Variants in SLC45A2 observed in about 807,000 individuals in gnomAD.
The protein encoded by SLC45A2 is membrane-associated transporter protein.
SLC45A2 carries 36 observed loss-of-function variants against 45.5 expected under a neutral mutation model. The ratio of observed to expected loss-of-function variants is 0.79; its 90% CI spans 0.61 to 1.04. The LOEUF is 1.04. SLC45A2 is among the 50% of genes least tolerant of loss of function. The pLI is 0.00. For missense variants in SLC45A2, 719 were observed against 671.0 expected (o/e 1.07, Z -0.79); for synonymous variants, 306 against 269.3 (o/e 1.14, Z -1.33).
intron 2 of SLC45A2, chr5:33,971,308 T>C (rs1752770857): frequency 1.9e-6 from 1 of 519,530 alleles, no homozygotes; most frequent in Non-Finnish European, 3.9e-6. Flanking sequence ...GGTTACCACT[T>C]ACAAACCCAG....
intron 2 of SLC45A2, among the ~76,000 whole-genome samples, chr5:33,967,707 G>C (rs1752638472): frequency 6.6e-6 from 1 of 151,870 alleles, no homozygotes; most frequent in Non-Finnish European, 1.5e-5. Context: ...TTACAGAGGG[G>C]TTATACTTTT....
chr5:33,953,265 A>G (rs250418), intron 4 of SLC45A2, among the ~76,000 whole-genome samples: 67,872 of 87,056 alleles, frequency 0.78, 28,601 homozygotes, highest in Non-Finnish European at 0.96. Flanking sequence ...CTGAGGAATC[A>G]CCACACTGAC....
intron 2 of SLC45A2, chr5:33,970,907 G>C (rs1176744395): frequency 8.0e-6 from 3 of 376,684 alleles, no homozygotes; most frequent in Non-Finnish European, 1.5e-5. Context: ...ACAGCAAGAA[G>C]CTGCCAGAGT....
intron 6 of SLC45A2, chr5:33,946,915 TA>T: frequency 7.1e-7 from 1 of 1,417,356 alleles, no homozygotes; most frequent in Non-Finnish European, 9.2e-7. Flanking sequence ...AAAATGGGAG[TA>T]ACACTTCTTG....
chr5:33,966,404 C>T (rs1240201551), intron 2 of SLC45A2, among the ~76,000 whole-genome samples: 1 of 149,652 alleles, frequency 6.7e-6, no homozygotes, highest in Admixed American at 6.6e-5. Flanking sequence ...GTGGGAGAAG[C>T]ACATAATGGG....
chr5:33,962,145 A>C (rs1752474064), intron 3 of SLC45A2, among the ~76,000 whole-genome samples: 1 of 152,194 alleles, frequency 6.6e-6, no homozygotes, highest in Non-Finnish European at 1.5e-5. Context: ...CTGAACTGAT[A>C]CATTGTTTTA....
At chr5:33,965,744 G>T (rs1334043748) in intron 2 of SLC45A2, among the ~76,000 whole-genome samples, 2 of 152,200 alleles carry the variant, frequency 1.3e-5, no homozygotes, top group Admixed American at 1.3e-4. Flanking sequence ...CTATTCAATT[G>T]TAGAGAGGCA....
chr5:33,953,413 A>T (rs1452488670), intron 4 of SLC45A2, among the ~76,000 whole-genome samples: 2 of 150,162 alleles, frequency 1.3e-5, no homozygotes, highest in Non-Finnish European at 3.0e-5. Context: ...GATATCTCAT[A>T]GTGGTTTTGA....
At chr5:33,976,401 T>C (rs763131707) in intron 2 of SLC45A2, among the ~76,000 whole-genome samples, 2 of 152,226 alleles carry the variant, frequency 1.3e-5, no homozygotes, top group Non-Finnish European at 2.9e-5. Flanking sequence ...TGATTAGAAA[T>C]GTATTCAAAT....
intron 6 of SLC45A2, 47 bp downstream of exon 6, chr5:33,947,116 A>C: frequency 6.2e-7 from 1 of 1,614,214 alleles, no homozygotes; most frequent in Non-Finnish European, 8.5e-7. Context: ...CCCAGCCTTC[A>C]GATGAGTCTG....
At chr5:33,946,152 C>T (rs1045614198) in intron 6 of SLC45A2, 12 of 985,316 alleles carry the variant, frequency 1.2e-5, no homozygotes, top group South Asian at 4.7e-5. Context: ...TTTTCTTCCC[C>T]CAACACCATG....
chr5:33,974,838 A>G (rs1752878434), intron 2 of SLC45A2, among the ~76,000 whole-genome samples: 2 of 152,248 alleles, frequency 1.3e-5, no homozygotes, highest in Admixed American at 1.3e-4. Flanking sequence ...CATTTTAAAT[A>G]GTATGGGTAA....
intron 2 of SLC45A2, among the ~76,000 whole-genome samples, chr5:33,968,042 A>ATAG (rs1429093745): frequency 3.3e-5 from 5 of 152,078 alleles, no homozygotes; most frequent in African/African-American, 4.8e-5. Context: ...GCAAGTTAGA[A>ATAG]TAGTACAACA....
At chr5:33,954,600 T>G in intron 3 of SLC45A2, 96 bp from the exon 4 acceptor site, 1 of 1,537,428 alleles carries the variant, frequency 6.5e-7, no homozygotes, top group Non-Finnish European at 8.9e-7. Context: ...TATTTGTCAG[T>G]CAGCCATCAC....
At chr5:33,977,517 C>T (rs974127035) in intron 2 of SLC45A2, among the ~76,000 whole-genome samples, 2 of 152,280 alleles carry the variant, frequency 1.3e-5, no homozygotes, top group South Asian at 4.1e-4. Flanking sequence ...AATGAGGGCC[C>T]TTGTTCCTAG....
chr5:33,944,657 A>T lies in SLC45A2; in HGVS notation c.1584T>A (p.Tyr528Ter). Reference protein sequence around the residue: ...GCCFVALFVRYVD With the variant: ...GCCFVALFVR ...TTGTCTCTTTATTGACCTAATCCAC[A>T]TATCTAACAAAGAGAGCGACAAAGC... is the stretch of plus-strand genomic sequence containing the variant. The change falls in exon 7 of 7, where the codon TAT becomes TAA. Residue 528 changes from tyrosine (Y) to a stop codon, truncating the protein, a stop_gained. Transcript: ENST00000296589. LOFTEE classifies it high-confidence loss of function. The T allele has an allele frequency of 6.2e-7, 1 of 1,614,102 alleles. No homozygotes were observed. The highest frequency in any genetic ancestry group is 2.2e-5 in the East Asian group (1 of 44,882).
Position 33,947,640 on chromosome 5 carries a change from C to G in SLC45A2, c.1157-266G>C, listed in dbSNP as rs182631362. Among the ~76,000 whole-genome samples the G allele has an allele frequency of 4.6e-5, 7 of 152,210 alleles. No individual in the cohort carries two copies. The East Asian group carries it at 1.4e-3, about 29-fold the overall frequency. ...GAATCTGGCACTGTTTAGCAGACAG[C>G]TGGATAGCAAAAAGAAGCGAGAAAG... On this transcript the variant is annotated intron_variant, in intron 5 of 6. Coordinates refer to ENST00000296589, the MANE Select transcript of SLC45A2 (RefSeq NM_016180.5).
At chr5:33,984,045 G>A (rs1434756605) in intron 1 of SLC45A2, among the ~76,000 whole-genome samples, 154 bp downstream of exon 1, 2 of 151,954 alleles carry the variant, frequency 1.3e-5, no homozygotes, top group Non-Finnish European at 2.9e-5. Flanking sequence ...ACAGAATCTG[G>A]GCCAAATTTG....
chr5:33,968,498 CA>C (rs1752674280), intron 2 of SLC45A2, among the ~76,000 whole-genome samples: 1 of 152,182 alleles, frequency 6.6e-6, no homozygotes, highest in Admixed American at 6.5e-5. Flanking sequence ...CCTTCCTCAC[CA>C]AGCCAGGCTG....
Sources: allele counts gnomAD v4.1 joint callset (sites outside exome capture counted in the v4.1 genomes callset), GRCh38; gene constraint gnomAD v4.1.1; transcripts MANE v1.5; gene names NCBI Gene and HGNC (gene_info 2026-07-23, HGNC 2026-07-21).